LRRC49: variants seen among roughly 807,000 people sequenced by gnomAD.
The protein encoded by LRRC49 is leucine rich repeat containing 49.
LRRC49 carries 50 observed loss-of-function variants against 83.3 expected under a neutral mutation model. The observed-to-expected ratio is 0.60, with a 90% CI of 0.48 to 0.76. The LOEUF (loss-of-function observed/expected upper bound fraction) is 0.76, where lower values mean the gene tolerates loss of function less well. Among genes scored for constraint, LRRC49 ranks in the 30% least tolerant of loss-of-function variants. The probability of loss-of-function intolerance (pLI) is 0.00; values close to 1 mark genes in which losing one functional copy is unlikely to be tolerated. For missense variants in LRRC49, 704 were observed against 809.1 expected (o/e 0.87, Z 1.58); for synonymous variants, 286 against 283.3 (o/e 1.01, Z -0.10).
intron 11 of LRRC49, among the ~76,000 whole-genome samples, chr15:70,990,754 G>T (rs1216357857): frequency 6.6e-6 from 1 of 152,224 alleles, no homozygotes; most frequent in Non-Finnish European, 1.5e-5. Flanking sequence ...GTAGACCGGA[G>T]CTGTTCCTAT....
intron 9 of LRRC49, among the ~76,000 whole-genome samples, chr15:70,964,893 C>T (rs1469825235): frequency 6.6e-6 from 1 of 152,132 alleles, no homozygotes; most frequent in Non-Finnish European, 1.5e-5. Context: ...ATATTAGCAT[C>T]ACAATGTGTG....
At chr15:70,871,553 C>G (rs1019223463) in intron 1 of LRRC49, among the ~76,000 whole-genome samples, 1 of 150,340 alleles carries the variant, frequency 6.7e-6, no homozygotes, top group African/African-American at 2.5e-5. Context: ...CCCCACCTCC[C>G]GAACGGCGCG....
intron 11 of LRRC49, among the ~76,000 whole-genome samples, chr15:70,991,831 C>T (rs975617423): frequency 6.6e-6 from 1 of 152,130 alleles, no homozygotes; most frequent in African/African-American, 2.4e-5. Context: ...AGCTGGAATT[C>T]TTTAAGCCTT....
intron 11 of LRRC49, among the ~76,000 whole-genome samples, chr15:70,991,756 A>C (rs1286310170): frequency 1.3e-5 from 2 of 152,214 alleles, no homozygotes; most frequent in African/African-American, 4.8e-5. Flanking sequence ...GTGTCTTATT[A>C]CCTTAACTAA....
chr15:70,879,685 GC>G (rs2033223657), intron 2 of LRRC49, among the ~76,000 whole-genome samples: 1 of 152,032 alleles, frequency 6.6e-6, no homozygotes, highest in Admixed American at 6.5e-5. Context: ...TCCATGACTT[GC>G]CCCATCACTT....
chr15:70,867,795 C>G (rs1803777915), intron 1 of LRRC49, among the ~76,000 whole-genome samples: 1 of 152,182 alleles, frequency 6.6e-6, no homozygotes, highest in African/African-American at 2.4e-5. Flanking sequence ...CCCCAATTTT[C>G]TCTACCACAT....
chr15:70,911,119 A>G (rs111670304), intron 5 of LRRC49, among the ~76,000 whole-genome samples: 1 of 152,238 alleles, frequency 6.6e-6, no homozygotes, highest in Non-Finnish European at 1.5e-5. Flanking sequence ...TTAGAGACAC[A>G]GCAAGAATGC....
intron 9 of LRRC49, among the ~76,000 whole-genome samples, chr15:70,976,267 G>T (rs2037203090): frequency 6.6e-6 from 1 of 152,142 alleles, no homozygotes; most frequent in Non-Finnish European, 1.5e-5. Flanking sequence ...AACACTAGGT[G>T]TGACCCTGCA....
chr15:70,862,807 C>G (rs1222370655), intron 1 of LRRC49, among the ~76,000 whole-genome samples: 1 of 152,116 alleles, frequency 6.6e-6, no homozygotes, highest in Non-Finnish European at 1.5e-5. Context: ...TCTCCAGGTG[C>G]AAGTAACCAG....
At chr15:70,990,537 C>T (rs192840331) in intron 11 of LRRC49, among the ~76,000 whole-genome samples, 132 of 152,348 alleles carry the variant, frequency 8.7e-4, no homozygotes, top group African/African-American at 3.1e-3. Context: ...TGCCATCTGT[C>T]ACCGCTTTCT....
intron 1 of LRRC49, among the ~76,000 whole-genome samples, chr15:70,855,184 A>C (rs1426646674): frequency 6.6e-6 from 1 of 151,904 alleles, no homozygotes; most frequent in Non-Finnish European, 1.5e-5. Flanking sequence ...AAAATACAAA[A>C]ATTAGCTGGA....
In LRRC49 at chr15:71,012,888, C is replaced by G. The variant is rs200517146; in HGVS notation, c.1678C>G (p.Leu560Val). 20 of 1,611,944 alleles carry G rather than the reference C, an allele frequency of 1.2e-5. No individual in the cohort carries two copies. The East Asian group carries it at 4.2e-4, about 34-fold the overall frequency. Residue 560 changes from leucine to valine, a missense_variant, in exon 14 of 16, where the codon CTG becomes GTG. Transcript: ENST00000260382. ...ATCTTCTGAGTTACCCCAGTATCGT[C>G]TGATTTCCATTCTGGGTGATGCCAG... Reference protein sequence around the residue: ...VASSELPQYRLISILGDARKK... With the variant: ...VASSELPQYRVISILGDARKK...
At chr15:70,905,729 A>G (rs1330900957) in intron 5 of LRRC49, among the ~76,000 whole-genome samples, 2 of 152,074 alleles carry the variant, frequency 1.3e-5, no homozygotes, top group Non-Finnish European at 2.9e-5. Flanking sequence ...AAACTGGGGG[A>G]ACTTAGCAAG....
At chr15:70,909,829 C>T (rs1391483155) in intron 5 of LRRC49, among the ~76,000 whole-genome samples, 1 of 140,510 alleles carries the variant, frequency 7.1e-6, no homozygotes, top group Non-Finnish European at 1.5e-5. Flanking sequence ...CAGGGCGAGA[C>T]TCCATCTCAA....
intron 14 of LRRC49, among the ~76,000 whole-genome samples, chr15:71,030,949 A>G (rs1289991311): frequency 6.6e-6 from 1 of 151,968 alleles, no homozygotes; most frequent in East Asian, 1.9e-4. Flanking sequence ...GGGTTAGACC[A>G]TGCTCCTTTA....
intron 14 of LRRC49, among the ~76,000 whole-genome samples, chr15:71,029,776 G>A (rs922173082): frequency 1.3e-5 from 2 of 152,134 alleles, no homozygotes; most frequent in Admixed American, 6.6e-5. Context: ...ATTATGTAAT[G>A]CCCTTCTCTG....
At chr15:70,891,451 T>A (rs2033559454), upstream of LRRC49, among the ~76,000 whole-genome samples, 1 of 152,140 alleles carries the variant, frequency 6.6e-6, no homozygotes, top group Non-Finnish European at 1.5e-5. Flanking sequence ...TATGTAATGT[T>A]ATGCAACACA....
Position 70,893,571 on chromosome 15 carries a change from T to G in LRRC49, c.49-13T>G. On this transcript the variant is annotated splice_polypyrimidine_tract_variant and intron_variant, in intron 1 of 15. Coordinates refer to ENST00000260382, the MANE Select transcript of LRRC49 (RefSeq NM_017691.5). ...TTAAGAGCAAATTTTATGGTTTAATTTTTACATTTCAGGTGAACTGCGGGC... is the reference window on the plus strand; with the variant it reads ...TTAAGAGCAAATTTTATGGTTTAATGTTTACATTTCAGGTGAACTGCGGGC... 1 of 1,594,544 alleles carries G rather than the reference T, an allele frequency of 6.3e-7. No individual in the cohort carries two copies. Among genetic ancestry groups the G allele is most frequent in the Non-Finnish European group, 8.6e-7 (1 of 1,166,534 alleles).
intron 11 of LRRC49, among the ~76,000 whole-genome samples, chr15:71,001,170 G>A (rs186367855): frequency 6.6e-6 from 1 of 151,980 alleles, no homozygotes; most frequent in Admixed American, 6.5e-5. Context: ...TATTATACCT[G>A]TAATTGATTT....
Sources: gnomAD v4.1 joint callset for allele counts (sites outside exome capture counted in the v4.1 genomes callset) on GRCh38, gnomAD v4.1.1 for gene constraint, MANE v1.5 for transcripts, NCBI Gene and HGNC (gene_info 2026-07-23, HGNC 2026-07-21) for gene names.